PKNOX2: variants seen among roughly 807,000 people sequenced by gnomAD.
PKNOX2 encodes the protein homeobox protein PKNOX2.
Under a neutral mutation model 53.1 loss-of-function variants are expected in PKNOX2, and 14 were observed. The observed-to-expected ratio is 0.26, with a 90% CI of 0.17 to 0.41. The LOEUF is 0.41. PKNOX2 is among the 10% of genes least tolerant of loss of function. The pLI, the probability that PKNOX2 is intolerant of heterozygous loss-of-function variation, is 1.00. For missense variants in PKNOX2, 496 were observed against 602.8 expected, an observed-to-expected ratio of 0.82 and a Z score of 1.85; for synonymous variants, 257 against 242.8, an observed-to-expected ratio of 1.06 and a Z score of -0.54.
intron 2 of PKNOX2, among the ~76,000 whole-genome samples, chr11:125,309,536 G>A (rs1948678089): frequency 6.6e-6 from 1 of 151,898 alleles, no homozygotes; most frequent in Admixed American, 6.6e-5. Context: ...TAAGGCACCG[G>A]CCACCACGCC....
intron 7 of PKNOX2, among the ~76,000 whole-genome samples, chr11:125,405,089 C>T (rs993377392): frequency 2.6e-5 from 4 of 152,212 alleles, no homozygotes; most frequent in African/African-American, 9.6e-5. Flanking sequence ...CTGGGGCTGG[C>T]TCCGCACTGC....
At chr11:125,177,736 C>T (rs1955806646) in intron 1 of PKNOX2, among the ~76,000 whole-genome samples, 1 of 152,142 alleles carries the variant, frequency 6.6e-6, no homozygotes, top group African/African-American at 2.4e-5. Flanking sequence ...GGAGTGCAAG[C>T]AGGGAAGGCT....
At chr11:125,414,181 G>A (rs530399173) in intron 10 of PKNOX2, among the ~76,000 whole-genome samples, 9 of 152,242 alleles carry the variant, frequency 5.9e-5, no homozygotes, top group Admixed American at 3.3e-4. Context: ...AGGAAGGGGA[G>A]GTGGAGAAGA....
chr11:125,366,852 G>T (rs375069547), intron 4 of PKNOX2, among the ~76,000 whole-genome samples: 1 of 152,100 alleles, frequency 6.6e-6, no homozygotes, highest in East Asian at 1.9e-4. Flanking sequence ...CATTTTCTCC[G>T]CAAGTATTTT....
At chr11:125,235,866 A>G (rs1942631522) in intron 2 of PKNOX2, among the ~76,000 whole-genome samples, 1 of 152,112 alleles carries the variant, frequency 6.6e-6, no homozygotes, top group African/African-American at 2.4e-5. Context: ...TGGGGGGTAA[A>G]GTCTGGGATT....
At chr11:125,342,111 T>C (rs111367019) in intron 3 of PKNOX2, among the ~76,000 whole-genome samples, 44 of 152,012 alleles carry the variant, frequency 2.9e-4, no homozygotes, top group African/African-American at 9.2e-4. Context: ...TAGTGGCTTT[T>C]CAATGATAAA....
chr11:125,349,043 C>T (rs1238315732), intron 3 of PKNOX2, among the ~76,000 whole-genome samples: 1 of 152,202 alleles, frequency 6.6e-6, no homozygotes, highest in East Asian at 1.9e-4. Flanking sequence ...CCATCCTGGC[C>T]CTTGGGCCCT....
rs757691529 is a variant in PKNOX2, at chr11:125,351,315, C to T, written c.10C>T (p.His4Tyr). The T allele has an allele frequency of 2.5e-6, 4 of 1,601,546 alleles. No homozygotes were observed. Among genetic ancestry groups the T allele is most frequent in the Non-Finnish European group, 2.6e-6 (3 of 1,170,650 alleles). The change falls in exon 4 of 13, where the codon CAT becomes TAT. Residue 4 changes from histidine to tyrosine, a missense_variant. Around this residue, in one of 5 missense-constraint regions of PKNOX2, gnomAD observed 168 missense variants for 178.4 expected, o/e 0.94. Transcript: ENST00000298282. ...CATGTGAATCAATCCCATGATGCAA[C>T]ATGCCTCCCCAGCCCCCGCTCTGAC... MMQ[H>Y]ASPAPALTMM... is the part of the protein sequence containing the mutation.
rs1954505717 is a variant in PKNOX2, at chr11:125,397,857, C to G, written c.400-17C>G. ...GGGATGCAAACACCTGGGCTCACCTCTCCTCCCTCTCCACAGATGGTGAAG... is the reference window on the plus strand; with the variant it reads ...GGGATGCAAACACCTGGGCTCACCTGTCCTCCCTCTCCACAGATGGTGAAG... On this transcript the variant is annotated splice_polypyrimidine_tract_variant and intron_variant, in intron 6 of 12. Transcript: ENST00000298282. 3.8e-6 allele frequency: 6 copies of G among 1,598,346 alleles called. No homozygotes were observed. The highest frequency in any genetic ancestry group is 4.3e-6 in the Non-Finnish European group (5 of 1,172,428).
chr11:125,412,223 C>G (rs925452098), intron 10 of PKNOX2, among the ~76,000 whole-genome samples: 4 of 152,102 alleles, frequency 2.6e-5, no homozygotes, highest in Non-Finnish European at 4.4e-5. Context: ...CCAGAGCCCT[C>G]CCCCTGCCGC....
chr11:125,166,127 G>C lies in PKNOX2; in HGVS notation c.-201+1351G>C, dbSNP rs1276725245. The stretch of plus-strand genomic sequence containing the variant: ...GGAATCGGGATCGAGGGGCCGATAA[G>C]TAGTTTACACGCCGGCCAGAGCAGA... On this transcript the variant is annotated intron_variant, in intron 1 of 12. Transcript: ENST00000298282. The surrounding 1 kb of genome is among the most constrained non-coding windows in gnomAD (Gnocchi z 4.0). Among the ~76,000 whole-genome samples, 1 of 152,176 alleles carries C rather than the reference G, an allele frequency of 6.6e-6. No individual in the cohort carries two copies. Among genetic ancestry groups the C allele is most frequent in the Non-Finnish European group, 1.5e-5 (1 of 68,036 alleles).
chr11:125,407,298 C>T (rs1955166035), intron 7 of PKNOX2, among the ~76,000 whole-genome samples: 1 of 152,200 alleles, frequency 6.6e-6, no homozygotes, highest in Admixed American at 6.5e-5. Context: ...CAGCCAGGGT[C>T]TGAGTAAGCA....
At chr11:125,323,452 C>A (rs558703727) in intron 2 of PKNOX2, among the ~76,000 whole-genome samples, 1 of 152,218 alleles carries the variant, frequency 6.6e-6, no homozygotes, top group Non-Finnish European at 1.5e-5. Context: ...CTGGTTATGA[C>A]TGAAACCTCT....
intron 2 of PKNOX2, among the ~76,000 whole-genome samples, chr11:125,285,615 A>T (rs1010054472): frequency 2.6e-5 from 4 of 152,202 alleles, no homozygotes; most frequent in Non-Finnish European, 4.4e-5. Flanking sequence ...CTGTGAGTAA[A>T]TTCAGTAACA....
chr11:125,196,345 TC>T (rs891816852), intron 1 of PKNOX2, among the ~76,000 whole-genome samples: 6 of 152,228 alleles, frequency 3.9e-5, no homozygotes, highest in South Asian at 2.1e-4. Flanking sequence ...TCTCTAGGGC[TC>T]CCTGAGGCGT....
chr11:125,250,611 A>T (rs1943925588), intron 2 of PKNOX2, among the ~76,000 whole-genome samples: 1 of 152,222 alleles, frequency 6.6e-6, no homozygotes, highest in Non-Finnish European at 1.5e-5. Flanking sequence ...GAGAGAGGTC[A>T]GGAATGATTT....
At chr11:125,408,340 C>T (rs1040056521) in intron 7 of PKNOX2, among the ~76,000 whole-genome samples, 2 of 152,210 alleles carry the variant, frequency 1.3e-5, no homozygotes, top group Non-Finnish European at 1.5e-5. Context: ...ATAAGCTTCA[C>T]GGGCTAGGCG....
intron 1 of PKNOX2, among the ~76,000 whole-genome samples, chr11:125,211,242 T>C (rs577673138): frequency 6.6e-5 from 10 of 152,146 alleles, no homozygotes; most frequent in Non-Finnish European, 1.3e-4. Flanking sequence ...CAACTGCAGC[T>C]TCCTACTTCG....
At chr11:125,347,942 G>A (rs1017755070) in intron 3 of PKNOX2, among the ~76,000 whole-genome samples, 1 of 152,202 alleles carries the variant, frequency 6.6e-6, no homozygotes, top group Non-Finnish European at 1.5e-5. Flanking sequence ...ATGCCCAGGT[G>A]TCTGGTGACA....
Sources: gnomAD v4.1 joint callset for allele counts (sites outside exome capture counted in the v4.1 genomes callset) on GRCh38, gnomAD v4.1.1 for gene constraint, gnomAD v4.1.1 regional missense constraint, Gnocchi (gnomAD v3.1) non-coding constraint, MANE v1.5 for transcripts, NCBI Gene and HGNC (gene_info 2026-07-23, HGNC 2026-07-21) for gene names.